Variants in SYT9 observed in about 807,000 individuals in gnomAD.
The protein encoded by SYT9 is synaptotagmin 9.
Under a neutral mutation model 48.4 loss-of-function variants are expected in SYT9, and 22 were observed. The ratio of observed to expected loss-of-function variants is 0.45; its 90% CI spans 0.32 to 0.65. The LOEUF is 0.65. SYT9 is among the 30% of genes least tolerant of loss of function. The probability of loss-of-function intolerance (pLI) is 0.03; values close to 1 mark genes in which losing one functional copy is unlikely to be tolerated. For missense variants in SYT9, 577 were observed against 622.0 expected (o/e 0.93, Z 0.77); for synonymous variants, 265 against 245.0 (o/e 1.08, Z -0.76).
In SYT9 at chr11:7,303,318, C is replaced by G. The variant is rs200034628; in HGVS notation, c.425C>G (p.Thr142Arg). 1 of 1,613,824 alleles carries G rather than the reference C, an allele frequency of 6.2e-7. No homozygotes were observed. Reference protein sequence around the residue: ...TSPDIPLSTQTGIQENCAHGV... With the variant: ...TSPDIPLSTQRGIQENCAHGV... ...CCTGACATTCCCCTCTCCACCCAGACGGGGATCCAGGAGAACTGTGCCCAT... is the reference window on the plus strand; with the variant it reads ...CCTGACATTCCCCTCTCCACCCAGAGGGGGATCCAGGAGAACTGTGCCCAT... The change falls in exon 2 of 7, where the codon ACG becomes AGG. Residue 142 changes from threonine to arginine, a missense_variant. Transcript: ENST00000318881.
intron 6 of SYT9, chr11:7,436,010 G>C (rs1847702038): frequency 6.6e-6 from 1 of 152,100 alleles, no homozygotes; most frequent in Non-Finnish European, 1.5e-5. Context: ...CAGCTGAAAA[G>C]ACCAGAAGAG....
At chr11:7,251,309 G>C (rs200764095), upstream of SYT9, among the ~76,000 whole-genome samples, 2 of 354 alleles carry the variant, frequency 5.6e-3, no homozygotes, top group Non-Finnish European at 0.011. Context: ...AGAAAACTAA[G>C]GGACCCACGA....
At position 7,243,933 on chromosome 11, in the gene SYT9, T is replaced by G. The variant is rs527980805; in HGVS notation, c.49+5017T>G. Among the ~76,000 whole-genome samples the G allele has an allele frequency of 6.2e-5, 9 of 145,886 alleles. No individual in the cohort carries two copies. The East Asian group carries it at 1.6e-3, about 25-fold the overall frequency. On this transcript the variant is annotated intron_variant and NMD_transcript_variant, in intron 1 of 8. Coordinates refer to the SYT9 transcript ENST00000524820. ...CCACTTTGAAAGACAGCTCTAGGGATGCAGAAAGCATTTTTTTTTTTTTAA... is the reference window on the plus strand; with the variant it reads ...CCACTTTGAAAGACAGCTCTAGGGAGGCAGAAAGCATTTTTTTTTTTTTAA...
intron 3 of SYT9, among the ~76,000 whole-genome samples, chr11:7,401,951 CT>C (rs1266876612): frequency 2.0e-5 from 3 of 151,334 alleles, no homozygotes; most frequent in Non-Finnish European, 4.4e-5. Context: ...TGAAATGATA[CT>C]TTTTTTTGAA....
In SYT9 at chr11:7,352,107, G is replaced by A. The variant is rs1197757042; in HGVS notation, c.1044+38166G>A. The stretch of plus-strand genomic sequence containing the variant: ...GCTCAGCAGATAACTGAACATCCCT[G>A]AGGGGCTTGGGAAATATATGTGTTT... On this transcript the variant is annotated intron_variant, in intron 3 of 6. Coordinates refer to ENST00000318881, the MANE Select transcript of SYT9 (RefSeq NM_175733.4). Among the ~76,000 whole-genome samples the A allele has an allele frequency of 2.0e-5, 3 of 152,186 alleles. No individual in the cohort carries two copies. The East Asian group carries it at 5.8e-4, about 29-fold the overall frequency.
intron 2 of SYT9, among the ~76,000 whole-genome samples, chr11:7,305,812 C>G (rs1000609498): frequency 6.6e-6 from 1 of 152,292 alleles, no homozygotes; most frequent in African/African-American, 2.4e-5. Flanking sequence ...ACGAAAGACA[C>G]AGCCTCCATT....
intron 6 of SYT9, among the ~76,000 whole-genome samples, chr11:7,421,757 A>T (rs1847358704): frequency 6.6e-6 from 1 of 152,242 alleles, no homozygotes; most frequent in South Asian, 2.1e-4. Flanking sequence ...GAAAATACAG[A>T]TATGAATAAG....
intron 3 of SYT9, among the ~76,000 whole-genome samples, chr11:7,400,783 C>A (rs1002356936): frequency 2.0e-5 from 3 of 152,116 alleles, no homozygotes; most frequent in African/African-American, 7.2e-5. Context: ...ACCTCCTAGT[C>A]CCTCAACTGC....
rs568660986 is a variant in SYT9 at position 7,362,627 on chromosome 11, C to T, written c.1044+48686C>T. ...AAATTGGTAGGGTATGCCATAGTTG[C>T]TTTAACCTGAATAATGTTTTTCACC... is the stretch of plus-strand genomic sequence containing the variant. On this transcript the variant is annotated intron_variant, in intron 3 of 6. Coordinates refer to ENST00000318881, the MANE Select transcript of SYT9 (RefSeq NM_175733.4). 2.3e-4 allele frequency among the ~76,000 whole-genome samples: 35 copies of T among 152,284 alleles called. 1 individual carries two copies. In the Middle Eastern group the frequency reaches 0.01, roughly 44 times the overall value.
At position 7,418,112 on chromosome 11, in the gene SYT9, G is replaced by A. The variant is rs540124821; in HGVS notation, c.1321G>A (p.Val441Ile). 10 of 1,613,736 alleles carry A rather than the reference G, an allele frequency of 6.2e-6. No homozygotes were observed. The highest frequency in any genetic ancestry group is 8.5e-6 in the Non-Finnish European group (10 of 1,179,936). The change falls in exon 5 of 7, where the codon GTC becomes ATC. Residue 441 changes from valine to isoleucine, a missense_variant. By Grantham distance (29) the Val-to-Ile change is conservative. Transcript: ENST00000318881. ...NIDQIHLSIA[V>I]MDYDRVGHNE... ...TGACCAAATCCACTTGTCCATAGCA[G>A]TCATGGACTATGACCGGTGAGATAC...
intron 6 of SYT9, among the ~76,000 whole-genome samples, chr11:7,462,586 A>C (rs968804594): frequency 2.0e-5 from 3 of 152,254 alleles, no homozygotes; most frequent in Non-Finnish European, 2.9e-5. Context: ...GCTAAGCAAC[A>C]GTCAACAAAA....
chr11:7,267,437 G>A (rs1386743), intron 1 of SYT9, among the ~76,000 whole-genome samples: 149,130 of 152,042 alleles, frequency 0.98, 73,196 homozygotes, highest in Middle Eastern at 1. Context: ...AAAATAATCA[G>A]TGAGAGATTA....
chr11:7,251,881 G>C, upstream of SYT9: 1 of 274,978 alleles, frequency 3.6e-6, no homozygotes, highest in East Asian at 6.2e-5. Flanking sequence ...CGCGAGTAGC[G>C]GGCGGAGCGC....
chr11:7,467,144 A>G lies in SYT9; in HGVS notation c.*344A>G. ...ATGAAGCCCTTGGTGATGAGGACAT[A>G]GCATCTGCCCTGGAAATCGTTATTC... is the stretch of plus-strand genomic sequence containing the variant. On this transcript the variant is annotated 3_prime_UTR_variant, in exon 7 of 7. Coordinates refer to ENST00000318881, the MANE Select transcript of SYT9 (RefSeq NM_175733.4). 1 of 283,194 alleles carries G rather than the reference A, an allele frequency of 3.5e-6. No homozygotes were observed. Among genetic ancestry groups the G allele is most frequent in the Non-Finnish European group, 6.6e-6 (1 of 152,266 alleles). The allele number at this position is 283,194 out of a possible 1,614,324, so 17.5% of individuals were successfully genotyped here. A position where few individuals can be genotyped will look rare whatever the true frequency, so the allele number is the denominator to read the frequency against.
chr11:7,252,303 C>A lies in SYT9; in HGVS notation c.117C>A (p.Asp39Glu). ...SCQDFIYHLRDRARPRLRDPD... is the reference protein window; with the variant it reads ...SCQDFIYHLRERARPRLRDPD... Reference sequence around the variant, plus strand: ...AGGATTTCATTTACCACCTGCGGGACCGTGCCAGACCCCGGCTCCGCGACC... The same window carrying A: ...AGGATTTCATTTACCACCTGCGGGAACGTGCCAGACCCCGGCTCCGCGACC... Residue 39 changes from aspartate to glutamate, a missense_variant, in exon 1 of 7, where the codon GAC (aspartate) becomes GAA (glutamate). By Grantham distance (45) the Asp-to-Glu change is conservative. Transcript: ENST00000318881. This position sits in a 1 kb window ranked among gnomAD's most constrained non-coding sequence, Gnocchi z 6.3. 2 of 1,506,032 alleles carry A rather than the reference C, an allele frequency of 1.3e-6. No individual in the cohort carries two copies. The highest frequency in any genetic ancestry group is 2.2e-5 in the Admixed American group (1 of 45,396). The allele number at this position is 1,506,032 out of a possible 1,614,324, so 93.3% of individuals were successfully genotyped here.
In SYT9 at chr11:7,464,955, G is replaced by A. The variant is rs553010672; in HGVS notation, c.1468-1837G>A. The stretch of plus-strand genomic sequence containing the variant: ...AAAAAAAAATTAGCCGGGCGTGGTG[G>A]CGGGCGCCTGTAGTCCCAGCTACTC... On this transcript the variant is annotated intron_variant, in intron 6 of 6. Transcript: ENST00000318881. 2.6e-5 allele frequency among the ~76,000 whole-genome samples: 4 copies of A among 152,148 alleles called. No individual in the cohort carries two copies. The South Asian group carries it at 8.3e-4, about 32-fold the overall frequency.
At chr11:7,308,648 TCTC>T (rs1849076029) in intron 2 of SYT9, among the ~76,000 whole-genome samples, 1 of 152,088 alleles carries the variant, frequency 6.6e-6, no homozygotes, top group South Asian at 2.1e-4. Flanking sequence ...TCAAGTATCA[TCTC>T]CTTCATAAAA....
intron 2 of SYT9, among the ~76,000 whole-genome samples, chr11:7,308,086 C>T (rs944558529): frequency 3.3e-5 from 5 of 152,218 alleles, no homozygotes; most frequent in African/African-American, 9.6e-5. Context: ...CAGGATTTCC[C>T]CTTCTTCTGT....
intron 3 of SYT9, among the ~76,000 whole-genome samples, chr11:7,324,231 T>A (rs996442649): frequency 8.6e-5 from 13 of 151,918 alleles, no homozygotes; most frequent in African/African-American, 3.1e-4. Context: ...TAATTTTTTC[T>A]TCTTATTTCT....
Sources: gnomAD v4.1 joint callset for allele counts (sites outside exome capture counted in the v4.1 genomes callset) on GRCh38, gnomAD v4.1.1 for gene constraint, Gnocchi (gnomAD v3.1) non-coding constraint, MANE v1.5 for transcripts, NCBI Gene and HGNC (gene_info 2026-07-23, HGNC 2026-07-21) for gene names.